The following ESRRG variants were observed in gnomAD, a reference collection of about 807,000 sequenced individuals.
The protein encoded by ESRRG is estrogen related receptor gamma.
ESRRG carries 13 observed loss-of-function variants against 44.0 expected under a neutral mutation model. The observed-to-expected ratio is 0.30, with a 90% CI of 0.19 to 0.47. The LOEUF is 0.47. Among genes scored for constraint, ESRRG ranks in the 20% least tolerant of loss-of-function variants. The probability of loss-of-function intolerance (pLI) is 1.00; values close to 1 mark genes in which losing one functional copy is unlikely to be tolerated. For synonymous variants in ESRRG, 215 were observed against 214.6 expected (o/e 1.00, Z -0.02); for missense variants, 395 against 580.6 (o/e 0.68, Z 3.29).
chr1:216,861,499 C>T (rs990204772), intron 2 of ESRRG, among the ~76,000 whole-genome samples: 53 of 151,902 alleles, frequency 3.5e-4, no homozygotes, highest in African/African-American at 1.2e-3. Flanking sequence ...AATTATTATA[C>T]GTCAATTAAA....
intron 3 of ESRRG, among the ~76,000 whole-genome samples, chr1:216,603,670 T>C (rs1412986108): frequency 2.0e-5 from 3 of 152,204 alleles, no homozygotes; most frequent in African/African-American, 7.2e-5. Context: ...GGCTCACGCC[T>C]ATAATCCCAG....
chr1:216,667,113 T>G (rs1467290434), intron 2 of ESRRG, among the ~76,000 whole-genome samples: 6 of 152,214 alleles, frequency 3.9e-5, no homozygotes, highest in Admixed American at 1.3e-4. Flanking sequence ...AGTCAGCACC[T>G]GAAGGGCAGC....
At chr1:216,748,457 T>C (rs1354950936) in intron 2 of ESRRG, among the ~76,000 whole-genome samples, 3 of 152,164 alleles carry the variant, frequency 2.0e-5, no homozygotes, top group African/African-American at 4.8e-5. Context: ...TCTCTCTCCC[T>C]TTTACTATCA....
chr1:216,661,953 C>T (rs1055175687), intron 2 of ESRRG, among the ~76,000 whole-genome samples: 13 of 152,166 alleles, frequency 8.5e-5, no homozygotes, highest in African/African-American at 2.6e-4. Context: ...TACCATTTTC[C>T]GTGTGACTTT....
chr1:216,605,254 C>T (rs1238121306), intron 3 of ESRRG, among the ~76,000 whole-genome samples: 1 of 152,012 alleles, frequency 6.6e-6, no homozygotes, highest in East Asian at 1.9e-4. Flanking sequence ...TGTAGTAAAA[C>T]ATCTGTTTGG....
At chr1:216,539,834 CA>C (rs200549391) in intron 5 of ESRRG, among the ~76,000 whole-genome samples, 14 of 147,602 alleles carry the variant, frequency 9.5e-5, no homozygotes, top group East Asian at 2.0e-4. Flanking sequence ...ACCTTTGACG[CA>C]AAAAAAAAGC....
chr1:216,805,292 C>A (rs181420544), intron 2 of ESRRG: 1 of 152,290 alleles, frequency 6.6e-6, no homozygotes, highest in South Asian at 2.1e-4. Context: ...AGACATGAAT[C>A]GGTACACACA....
chr1:216,740,563 G>A (rs2090536542), intron 2 of ESRRG, among the ~76,000 whole-genome samples: 2 of 151,668 alleles, frequency 1.3e-5, no homozygotes, highest in Admixed American at 6.6e-5. Context: ...AGCACAAGGG[G>A]AGGCCTTTTT....
chr1:216,841,934 G>T (rs1302261896), intron 2 of ESRRG, among the ~76,000 whole-genome samples: 2 of 152,004 alleles, frequency 1.3e-5, no homozygotes, highest in African/African-American at 2.4e-5. Context: ...TCCATAATCA[G>T]GTCCAGTTTT....
chr1:216,887,119 A>C (rs541612414), intron 2 of ESRRG, among the ~76,000 whole-genome samples: 151 of 152,252 alleles, frequency 9.9e-4, no homozygotes, highest in African/African-American at 3.5e-3. Flanking sequence ...TTTCAGATTT[A>C]AAACCGATCG....
chr1:216,873,584 T>C (rs2096291273), intron 2 of ESRRG, among the ~76,000 whole-genome samples: 1 of 151,936 alleles, frequency 6.6e-6, no homozygotes, highest in Non-Finnish European at 1.5e-5. Flanking sequence ...TAATTTTCTG[T>C]TTTCTTGGGG....
chr1:216,876,959 C>T (rs548476202), intron 2 of ESRRG, among the ~76,000 whole-genome samples: 1 of 145,886 alleles, frequency 6.9e-6, no homozygotes, highest in Non-Finnish European at 1.5e-5. Context: ...TTGTCTGATT[C>T]GAGAATCTCT....
intron 3 of ESRRG, among the ~76,000 whole-genome samples, chr1:216,594,546 T>C (rs1462789161): frequency 2.0e-5 from 3 of 152,172 alleles, no homozygotes; most frequent in Admixed American, 6.5e-5. Context: ...CTCCATCTCA[T>C]CAGCTCACTG....
At chr1:216,798,742 GA>G (rs1279683046) in intron 2 of ESRRG, among the ~76,000 whole-genome samples, 1 of 152,102 alleles carries the variant, frequency 6.6e-6, no homozygotes, top group Non-Finnish European at 1.5e-5. Flanking sequence ...CAAATAGACT[GA>G]AATATGTGAT....
chr1:216,564,744 A>G (rs866801451), intron 4 of ESRRG, among the ~76,000 whole-genome samples: 3 of 152,194 alleles, frequency 2.0e-5, no homozygotes, highest in South Asian at 4.1e-4. Flanking sequence ...ATTAAATGGT[A>G]TAAAATAGCT....
At chr1:216,977,708 C>A (rs1427782165) in intron 1 of ESRRG, among the ~76,000 whole-genome samples, 3 of 152,104 alleles carry the variant, frequency 2.0e-5, no homozygotes, top group East Asian at 1.9e-4. Context: ...GAATAATTAA[C>A]CAGCTGGGTT....
At chr1:216,778,481 T>A (rs2147767921) in intron 2 of ESRRG, among the ~76,000 whole-genome samples, 1 of 151,946 alleles carries the variant, frequency 6.6e-6, no homozygotes, top group East Asian at 2.0e-4. Flanking sequence ...ACTACAGAAG[T>A]GTTGTGTCGG....
intron 1 of ESRRG, among the ~76,000 whole-genome samples, chr1:216,720,378 A>G (rs1437331651): frequency 2.6e-5 from 4 of 151,876 alleles, no homozygotes; most frequent in Non-Finnish European, 5.9e-5. Flanking sequence ...GATTGTAGGG[A>G]AAAAAAATAA....
At chr1:216,722,112 T>TA (rs991239118) in intron 1 of ESRRG, among the ~76,000 whole-genome samples, 1 of 152,222 alleles carries the variant, frequency 6.6e-6, no homozygotes, top group Non-Finnish European at 1.5e-5. Context: ...ATGCAGTCAC[T>TA]AAGGACAGCT....
Sources: gnomAD v4.1 joint callset for allele counts (sites outside exome capture counted in the v4.1 genomes callset) on GRCh38, gnomAD v4.1.1 for gene constraint, MANE v1.5 for transcripts, NCBI Gene and HGNC (gene_info 2026-07-23, HGNC 2026-07-21) for gene names.